ADSS1: variants seen among roughly 807,000 people sequenced by gnomAD.
The protein encoded by ADSS1 is adenylosuccinate synthase 1, also known as adenylosuccinate synthetase isozyme 1.
In ADSS1, 57 loss-of-function variants were observed where a neutral mutation model predicts 59.1. The observed-to-expected ratio is 0.97, with a 90% CI of 0.78 to 1.20. ADSS1 has a LOEUF of 1.20. ADSS1 is among the 50% of genes most tolerant of loss of function. The pLI is 0.00. For synonymous variants in ADSS1, 247 were observed against 249.4 expected (o/e 0.99, Z 0.09); for missense variants, 603 against 610.3 (o/e 0.99, Z 0.13).
At chr14:104,745,693 G>A (rs1457145431) in intron 11 of ADSS1, 1 of 152,986 alleles carries the variant, frequency 6.5e-6, no homozygotes, top group Non-Finnish European at 1.5e-5. Flanking sequence ...TCCTCATGGT[G>A]GTCCAGGGTC....
intron 1 of ADSS1, chr14:104,730,220 G>A (rs1251818995): frequency 1.3e-6 from 2 of 1,494,988 alleles, no homozygotes; most frequent in South Asian, 1.3e-5. Flanking sequence ...GCGGGTGGGT[G>A]CGGTGGCGTA....
intron 1 of ADSS1, among the ~76,000 whole-genome samples, chr14:104,732,156 C>T (rs1890954930): frequency 1.3e-5 from 2 of 152,202 alleles, no homozygotes; most frequent in African/African-American, 4.8e-5. Context: ...CATGGTCAGC[C>T]TTGGCTGGTG....
Position 104,740,868 on chromosome 14 carries a change from C to T in ADSS1, c.614C>T (p.Ser205Leu), listed in dbSNP as rs777951779. ...AAGAACCTGGCCCACCAGCACCAGT[C>T]GATGTTCCCCACCCTGGAAATAGAC... ...RFKNLAHQHQSMFPTLEIDIE... is the reference protein window; with the variant it reads ...RFKNLAHQHQLMFPTLEIDIE... Residue 205 changes from serine to leucine, a missense_variant, in exon 7 of 13, where the codon TCG becomes TTG. Physicochemically the swap from Ser to Leu is moderately radical, Grantham distance 145 (BLOSUM62 -2). Coordinates refer to ENST00000330877, the MANE Select transcript of ADSS1 (RefSeq NM_152328.5). This position sits in a 1 kb window ranked among gnomAD's most constrained non-coding sequence, Gnocchi z 4.8. 29 of 1,613,788 alleles carry T rather than the reference C, an allele frequency of 1.8e-5. No homozygotes were observed. In the African/African-American group the frequency reaches 2.0e-4, roughly 11 times the overall value.
intron 2 of ADSS1, chr14:104,738,103 T>G (rs1322585635): frequency 3.6e-6 from 1 of 280,378 alleles, no homozygotes; most frequent in Admixed American, 5.0e-5. Context: ...TTCAAGCGAT[T>G]CTCCTGCCTC....
chr14:104,742,920 C>T (rs559947760), intron 9 of ADSS1, 147 bp from the exon 10 acceptor site: 29 of 1,213,358 alleles, frequency 2.4e-5, no homozygotes, highest in African/African-American at 2.1e-4. Flanking sequence ...TGGGGATGTC[C>T]GGGAGCTGGA....
chr14:104,733,666 T>TGG (rs1891013253), intron 1 of ADSS1, among the ~76,000 whole-genome samples: 2 of 152,050 alleles, frequency 1.3e-5, no homozygotes, highest in Non-Finnish European at 2.9e-5. Flanking sequence ...GAATCCCCCA[T>TGG]GCGTAGACAA....
At position 104,740,994 on chromosome 14, in the gene ADSS1, G is replaced by A. The variant is rs551502318; in HGVS notation, c.666+74G>A. ...AGGCTGGATGTCCTACCTGGTGCTC[G>A]TTGAACACCCTTGGGGCACACCTGA... On this transcript the variant is annotated intron_variant, in intron 7 of 12. Transcript: ENST00000330877. This position sits in a 1 kb window ranked among gnomAD's most constrained non-coding sequence, Gnocchi z 4.8. 2.2e-3 allele frequency: 3,567 copies of A among 1,607,818 alleles called. 11 individuals are homozygous for A. The highest frequency in any genetic ancestry group is 4.5e-3 in the Middle Eastern group (27 of 5,992).
At chr14:104,741,438 A>G (rs1252448235) in intron 8 of ADSS1, among the ~76,000 whole-genome samples, 195 bp downstream of exon 8, 1 of 152,114 alleles carries the variant, frequency 6.6e-6, no homozygotes, top group East Asian at 1.9e-4. Context: ...GAGAGGAGAA[A>G]GGGCTGGGCT....
rs114100436 is a variant in ADSS1, at chr14:104,743,389, G to A, written c.1073+198G>A. 6.4e-4 allele frequency: 458 copies of A among 720,282 alleles called. 6 individuals carry two copies. In the African/African-American group the frequency reaches 7.0e-3, roughly 11 times the overall value. 44.6% of individuals were successfully genotyped at this position (720,282 alleles called of 1,614,324 possible). A position where few individuals can be genotyped will look rare whatever the true frequency, so the allele number is the denominator to read the frequency against. ...TGTGCAGGGTGTGTTGGAGCCAGCC[G>A]TAGGAGCACAAACTCCCACCCCAGG... On this transcript the variant is annotated intron_variant, in intron 10 of 12. Coordinates refer to ENST00000330877, the MANE Select transcript of ADSS1 (RefSeq NM_152328.5).
Position 104,724,390 on chromosome 14 carries a change from G to A in ADSS1, c.120G>A (p.Gln40=), listed in dbSNP as rs1285894891. The change falls in exon 1 of 13, where the codon CAG becomes CAA. Residue 40 remains glutamine, a synonymous_variant. Transcript: ENST00000330877. ...GCGTGACGGTGGTGCTGGGCGCGCA[G>A]TGGGGGGACGAGGGCAAAGGCAAGG... ...GSRVTVVLGA[Q]WGDEGKGKVV... is the part of the protein sequence containing the mutation. 4.0e-6 allele frequency: 5 copies of A among 1,259,456 alleles called. No individual in the cohort carries two copies. Among genetic ancestry groups the A allele is most frequent in the Non-Finnish European group, 5.0e-6 (5 of 996,724 alleles). The allele number at this position is 1,259,456 out of a possible 1,614,324, so 78.0% of individuals were successfully genotyped here. A position where few individuals can be genotyped will look rare whatever the true frequency, so the allele number is the denominator to read the frequency against.
intron 12 of ADSS1, 52 bp downstream of exon 12, chr14:104,746,437 G>A (rs1891561982): frequency 6.3e-7 from 1 of 1,577,264 alleles, no homozygotes; most frequent in African/African-American, 1.4e-5. Context: ...ATGCCCCAAG[G>A]GGCCCACATC....
chr14:104,730,096 T>TA, intron 1 of ADSS1: 1 of 1,552,392 alleles, frequency 6.4e-7, no homozygotes, highest in Non-Finnish European at 8.7e-7. Context: ...GAGGCCCAAC[T>TA]AGGGTGACGC....
Position 104,743,113 on chromosome 14 carries a change from C to T in ADSS1, c.995C>T (p.Thr332Ile). Residue 332 changes from threonine to isoleucine, a missense_variant, in exon 10 of 13, where the codon ACC (threonine) becomes ATC (isoleucine). Thr to Ile is a moderately conservative substitution (Grantham distance 89). Transcript: ENST00000330877. The stretch of plus-strand genomic sequence containing the variant: ...ACCCGCGGCCACGAGTGGGGAGTGA[C>T]CACAGGCAGGAAGAGGCGCTGCGGC... The part of the protein sequence containing the change: ...LQTRGHEWGV[T>I]TGRKRRCGWL... 6.2e-7 allele frequency: 1 copy of T among 1,613,138 alleles called. No individual in the cohort carries two copies. Among genetic ancestry groups the T allele is most frequent in the Non-Finnish European group, 8.5e-7 (1 of 1,180,008 alleles).
chr14:104,730,091 C>G, intron 1 of ADSS1: 2 of 1,554,324 alleles, frequency 1.3e-6, no homozygotes, highest in Non-Finnish European at 1.7e-6. Flanking sequence ...CTGTGGAGGC[C>G]CAACTAGGGT....
In ADSS1 at chr14:104,724,443, A is replaced by G; in HGVS notation, c.173A>G (p.Asp58Gly). 1.6e-6 allele frequency: 2 copies of G among 1,256,356 alleles called. No homozygotes were observed. Among genetic ancestry groups the G allele is most frequent in the Non-Finnish European group, 2.0e-6 (2 of 995,998 alleles). The allele number at this position is 1,256,356 out of a possible 1,614,324, so 77.8% of individuals were successfully genotyped here. The stretch of plus-strand genomic sequence containing the variant: ...GTGGACCTGCTGGCCACGGACGCCG[A>G]CATCATCAGCCGCTGCCAGGTGCGG... Reference protein sequence around the residue: ...KVVDLLATDADIISRCQGGNN... With the variant: ...KVVDLLATDAGIISRCQGGNN... The change falls in exon 1 of 13, where the codon GAC becomes GGC. Residue 58 changes from aspartate (D) to glycine (G), a missense_variant. Physicochemically the swap from Asp to Gly is moderately conservative, Grantham distance 94. Transcript: ENST00000330877.
At position 104,729,338 on chromosome 14, in the gene ADSS1, G is replaced by T. The variant is rs534536995; in HGVS notation, c.192+4876G>T. 2.2e-4 allele frequency among the ~76,000 whole-genome samples: 34 copies of T among 152,322 alleles called. No individual in the cohort carries two copies. The Middle Eastern group carries it at 0.024, about 107-fold the overall frequency. ...CGGGGTGGACAGGAGCAGGACGATG[G>T]CTGCAGGGCAAGGCTGGGACCCGCA... On this transcript the variant is annotated intron_variant, in intron 1 of 12. Transcript: ENST00000330877.
At chr14:104,733,378 C>T (rs541633149) in intron 1 of ADSS1, among the ~76,000 whole-genome samples, 8 of 152,258 alleles carry the variant, frequency 5.3e-5, no homozygotes, top group South Asian at 4.2e-4. Context: ...TGTGAAGTTA[C>T]GTCCCAGGAG....
At chr14:104,742,236 G>C (rs78706448) in intron 9 of ADSS1, among the ~76,000 whole-genome samples, 125 of 152,386 alleles carry the variant, frequency 8.2e-4, no homozygotes, top group African/African-American at 2.9e-3. Context: ...GTGCGCACAT[G>C]CCCACACGTA....
At chr14:104,744,582 G>A (rs1382505980) in intron 10 of ADSS1, 2 of 559,886 alleles carry the variant, frequency 3.6e-6, no homozygotes, top group Non-Finnish European at 6.4e-6. Context: ...TCAGGCTCCT[G>A]TGAGAATTGA....
Sources: gnomAD v4.1 joint callset for allele counts (sites outside exome capture counted in the v4.1 genomes callset) on GRCh38, gnomAD v4.1.1 for gene constraint, Gnocchi (gnomAD v3.1) non-coding constraint, MANE v1.5 for transcripts, NCBI Gene and HGNC (gene_info 2026-07-23, HGNC 2026-07-21) for gene names.